Variants in RAP1A observed in about 807,000 individuals in gnomAD.
RAP1A encodes the protein ras-related protein Rap-1A.
RAP1A carries 6 observed loss-of-function variants against 26.4 expected under a neutral mutation model. The observed-to-expected ratio is 0.23, with a 90% CI of 0.12 to 0.45. The LOEUF is 0.45. RAP1A is among the 20% of genes least tolerant of loss of function. The pLI, the probability that RAP1A is intolerant of heterozygous loss-of-function variation, is 0.99. For missense variants in RAP1A, 121 were observed against 217.2 expected (o/e 0.56, Z 2.78); for synonymous variants, 73 against 79.4 (o/e 0.92, Z 0.43).
At chr1:111,641,728 G>A (rs937410686) in intron 1 of RAP1A, among the ~76,000 whole-genome samples, 2 of 151,984 alleles carry the variant, frequency 1.3e-5, no homozygotes, top group Non-Finnish European at 2.9e-5. Context: ...ATTTATTCTA[G>A]TATTGGTTCA....
At chr1:111,622,314 C>T (rs146306573) in intron 1 of RAP1A, among the ~76,000 whole-genome samples, 22 of 152,330 alleles carry the variant, frequency 1.4e-4, no homozygotes, top group African/African-American at 5.3e-4. Context: ...ACAAGCCTTA[C>T]AGCTGCCCAG....
chr1:111,560,170 T>C (rs189513599), intron 1 of RAP1A, among the ~76,000 whole-genome samples: 91 of 152,300 alleles, frequency 6.0e-4, no homozygotes, highest in African/African-American at 2.1e-3. Context: ...AGCATACTTA[T>C]CTAAACACAT....
At chr1:111,572,934 G>A (rs187975826) in intron 1 of RAP1A, among the ~76,000 whole-genome samples, 48 of 152,024 alleles carry the variant, frequency 3.2e-4, no homozygotes, top group African/African-American at 9.2e-4. Context: ...AGTGTCTATC[G>A]TTCCCCTCTT....
chr1:111,603,545 G>A (rs1658710552), intron 1 of RAP1A, among the ~76,000 whole-genome samples: 1 of 152,172 alleles, frequency 6.6e-6, no homozygotes, highest in Non-Finnish European at 1.5e-5. Context: ...CCTTTAGCTT[G>A]TAAATTGAAC....
intron 1 of RAP1A, among the ~76,000 whole-genome samples, chr1:111,567,629 A>T (rs1571475019): frequency 6.6e-6 from 1 of 152,210 alleles, no homozygotes; most frequent in East Asian, 1.9e-4. Flanking sequence ...TAGGACCCTG[A>T]GCTGATAGTT....
At chr1:111,707,318 C>G (rs192819279) in intron 6 of RAP1A, among the ~76,000 whole-genome samples, 1 of 151,976 alleles carries the variant, frequency 6.6e-6, no homozygotes, top group Non-Finnish European at 1.5e-5. Context: ...TATTTGCCAT[C>G]TATCTTAAAA....
At chr1:111,558,235 T>C (rs924785047) in intron 1 of RAP1A, among the ~76,000 whole-genome samples, 2 of 152,188 alleles carry the variant, frequency 1.3e-5, no homozygotes, top group Non-Finnish European at 1.5e-5. Flanking sequence ...TGGAGTGCAG[T>C]GGCGCAATCT....
In RAP1A at chr1:111,663,159, G is replaced by T. The variant is rs1045160195; in HGVS notation, c.-27-28175G>T. Among the ~76,000 whole-genome samples, 9 of 152,222 alleles carry T rather than the reference G, an allele frequency of 5.9e-5. No individual in the cohort carries two copies. In the South Asian group the frequency reaches 1.7e-3, roughly 28 times the overall value. On this transcript the variant is annotated intron_variant, in intron 1 of 7. Coordinates refer to ENST00000369709, the MANE Select transcript of RAP1A (RefSeq NM_002884.4). Reference sequence around the variant, plus strand: ...GATCTCCTGACCTCATGATCCACCCGCCTTGGCCTCCCAAAGTGCTGGGAT... The same window carrying T: ...GATCTCCTGACCTCATGATCCACCCTCCTTGGCCTCCCAAAGTGCTGGGAT...
intron 1 of RAP1A, among the ~76,000 whole-genome samples, chr1:111,562,448 T>C (rs1351271964): frequency 2.0e-5 from 3 of 152,216 alleles, no homozygotes; most frequent in African/African-American, 7.2e-5. Context: ...ATGTTAATCA[T>C]TATTGGTCAT....
At chr1:111,564,889 G>T (rs190050439) in intron 1 of RAP1A, among the ~76,000 whole-genome samples, 154 of 152,104 alleles carry the variant, frequency 1.0e-3, no homozygotes, top group African/African-American at 2.7e-3. Flanking sequence ...AGCCCCCCAT[G>T]CTTGCTATCA....
chr1:111,711,686 T>C (rs942687740), intron 7 of RAP1A, among the ~76,000 whole-genome samples: 3 of 152,226 alleles, frequency 2.0e-5, no homozygotes, highest in Admixed American at 2.0e-4. Flanking sequence ...CTTTTAAAAG[T>C]ACTGAGATAC....
chr1:111,640,122 G>T lies in RAP1A; in HGVS notation c.-28+20188G>T, dbSNP rs764864310. On this transcript the variant is annotated intron_variant, in intron 1 of 7. Transcript: ENST00000369709. ...ATCACTTAGACCTTTGGCCAAGCCT[G>T]TGATTGCTTAGATAAAGCCTTACCC... Among the ~76,000 whole-genome samples the T allele has an allele frequency of 6.5e-4, 99 of 152,168 alleles. 1 individual carries two copies. Among genetic ancestry groups the T allele is most frequent in the Admixed American group, 1.7e-3 (26 of 15,280 alleles).
At chr1:111,566,222 G>A (rs1285934793) in intron 1 of RAP1A, among the ~76,000 whole-genome samples, 3 of 152,250 alleles carry the variant, frequency 2.0e-5, no homozygotes, top group Non-Finnish European at 4.4e-5. Flanking sequence ...CACTGAAGTG[G>A]GGCAAGAATG....
intron 1 of RAP1A, among the ~76,000 whole-genome samples, chr1:111,623,589 T>C (rs895835603): frequency 6.6e-6 from 1 of 152,108 alleles, no homozygotes; most frequent in Admixed American, 6.5e-5. Context: ...GTATTTTTTT[T>C]TAGTAGAGAG....
At chr1:111,558,633 C>G (rs1397485789) in intron 1 of RAP1A, among the ~76,000 whole-genome samples, 1 of 150,838 alleles carries the variant, frequency 6.6e-6, no homozygotes, top group Non-Finnish European at 1.5e-5. Context: ...TAATACATGA[C>G]TATCAGACAA....
chr1:111,580,135 A>G (rs992289385), intron 1 of RAP1A, among the ~76,000 whole-genome samples: 1 of 152,208 alleles, frequency 6.6e-6, no homozygotes, highest in African/African-American at 2.4e-5. Flanking sequence ...AGTGAAAAAC[A>G]TAATAGTTGT....
chr1:111,633,756 A>G, intron 1 of RAP1A, among the ~76,000 whole-genome samples: 1 of 152,350 alleles, frequency 6.6e-6, no homozygotes, highest in South Asian at 2.1e-4. Context: ...TTACATTGGA[A>G]TATGATAGCA....
At chr1:111,681,415 C>T (rs1661290496) in intron 1 of RAP1A, among the ~76,000 whole-genome samples, 1 of 152,172 alleles carries the variant, frequency 6.6e-6, no homozygotes, top group South Asian at 2.1e-4. Flanking sequence ...AGCTAAAGTG[C>T]ATGTTCTAAC....
intron 1 of RAP1A, among the ~76,000 whole-genome samples, chr1:111,643,369 G>A (rs997783125): frequency 1.3e-5 from 2 of 152,122 alleles, no homozygotes; most frequent in African/African-American, 4.8e-5. Flanking sequence ...TATTTTAGAC[G>A]TCTTTTCTTT....
Sources: gnomAD v4.1 joint callset for allele counts (sites outside exome capture counted in the v4.1 genomes callset) on GRCh38, gnomAD v4.1.1 for gene constraint, MANE v1.5 for transcripts, NCBI Gene and HGNC (gene_info 2026-07-23, HGNC 2026-07-21) for gene names.